MINAR1: variants seen among roughly 807,000 people sequenced by gnomAD.
The protein encoded by MINAR1 is major intrinsically disordered Notch2-binding receptor 1.
Under a neutral mutation model 65.1 loss-of-function variants are expected in MINAR1, and 40 were observed. That is an observed-to-expected ratio of 0.61 (90% confidence interval 0.48 to 0.80). MINAR1 has a LOEUF of 0.80. Ranked by LOEUF, MINAR1 falls within the 30% of genes least tolerant of loss-of-function variation. The pLI, the probability that MINAR1 is intolerant of heterozygous loss-of-function variation, is 0.00. For synonymous variants in MINAR1, 482 were observed against 449.1 expected (o/e 1.07, Z -0.93); for missense variants, 1,128 against 1,148.0 (o/e 0.98, Z 0.25).
At chr15:79,437,229 T>C (rs79722857) in intron 1 of MINAR1, among the ~76,000 whole-genome samples, 1,662 of 152,312 alleles carry the variant, frequency 0.011, 28 homozygotes, top group African/African-American at 0.038. Context: ...AAAGGAGGCC[T>C]GTCTCAGCCA....
At chr15:79,450,341 G>C (rs77802691) in intron 1 of MINAR1, among the ~76,000 whole-genome samples, 12,477 of 152,102 alleles carry the variant, frequency 0.082, 1,367 homozygotes, top group African/African-American at 0.25. Context: ...AAGTTTTAGT[G>C]GGGGCTGGAC....
At chr15:79,452,693 T>G (rs965351232) in intron 1 of MINAR1, among the ~76,000 whole-genome samples, 6 of 110,078 alleles carry the variant, frequency 5.5e-5, no homozygotes, top group Non-Finnish European at 1.1e-4. Context: ...TGTGTGTGTG[T>G]GGGTGTCTGG....
chr15:79,428,340 C>A (rs1269195095), upstream of MINAR1, among the ~76,000 whole-genome samples: 1 of 104,402 alleles, frequency 9.6e-6, no homozygotes, highest in African/African-American at 4.1e-5. Flanking sequence ...CTCTACCTCC[C>A]CCATCCCTCC....
upstream of MINAR1, among the ~76,000 whole-genome samples, chr15:79,428,584 C>T (rs569337835): frequency 1.3e-4 from 20 of 150,452 alleles, no homozygotes; most frequent in African/African-American, 4.9e-4. Context: ...CAAACTTTTG[C>T]GGAATACCTG....
chr15:79,465,656 T>C (rs752077449), intron 3 of MINAR1, among the ~76,000 whole-genome samples: 27 of 152,100 alleles, frequency 1.8e-4, no homozygotes, highest in Non-Finnish European at 3.5e-4. Context: ...TGATGTGTCA[T>C]TTAGACACTG....
intron 1 of MINAR1, among the ~76,000 whole-genome samples, chr15:79,439,355 ATGAGATGTGGGTGGGGTAGGCAGTGT>A (rs1894794298): frequency 4.6e-5 from 1 of 21,704 alleles, no homozygotes; most frequent in African/African-American, 1.1e-4. Flanking sequence ...TGTGTGGGTA[ATGAGATGTGGGTGGGGTAGGCAGTGT>A]GTGTGTGGGT....
At chr15:79,466,560 C>T (rs1003646918) in intron 3 of MINAR1, among the ~76,000 whole-genome samples, 1 of 151,752 alleles carries the variant, frequency 6.6e-6, no homozygotes, top group Admixed American at 6.6e-5. Flanking sequence ...GGAAAAAAAT[C>T]ACTAAAAATC....
rs1896022340 is a variant in MINAR1 at position 79,470,059 on chromosome 15, T to C, written c.*1675T>C. 1 of 152,600 alleles carries C rather than the reference T, an allele frequency of 6.6e-6. No individual in the cohort carries two copies. 9.5% of individuals were successfully genotyped at this position (152,600 alleles called of 1,614,324 possible). On this transcript the variant is annotated 3_prime_UTR_variant, in exon 4 of 4. Transcript: ENST00000305428. Reference sequence around the variant, plus strand: ...TGTTTTCATCTGTGGTGAACCTTTATTTTTAGAAGTCTTCATGTTATCTAT... The same window carrying C: ...TGTTTTCATCTGTGGTGAACCTTTACTTTTAGAAGTCTTCATGTTATCTAT...
Position 79,443,823 on chromosome 15 carries a change from C to G in MINAR1, c.-51+11283C>G, listed in dbSNP as rs113805925. Among the ~76,000 whole-genome samples the G allele has an allele frequency of 2.9e-3, 437 of 152,226 alleles. 3 individuals are homozygous for G. Among genetic ancestry groups the G allele is most frequent in the African/African-American group, 9.9e-3 (411 of 41,532 alleles). On this transcript the variant is annotated intron_variant, in intron 1 of 3. Transcript: ENST00000305428. ...TTATCTAGGGTACCTCAAGGTAGAT[C>G]TGGGGTGGCAATAGGTTTTGATTAT... is the stretch of plus-strand genomic sequence containing the variant.
chr15:79,468,262 C>T lies in MINAR1; in HGVS notation c.2629C>T (p.Leu877=). ...DIYTPGYDSL[L]KRKEAEFRRA... ...TTATACTCCAGGATACGATTCATTACTAAAACGTAAAGAAGCCGAATTCAG... is the reference window on the plus strand; with the variant it reads ...TTATACTCCAGGATACGATTCATTATTAAAACGTAAAGAAGCCGAATTCAG... Residue 877 remains leucine, a synonymous_variant, in exon 4 of 4, where the codon CTA becomes TTA. Coordinates refer to ENST00000305428, the MANE Select transcript of MINAR1 (RefSeq NM_015206.3). 2 of 1,614,020 alleles carry T rather than the reference C, an allele frequency of 1.2e-6. No individual in the cohort carries two copies. The highest frequency in any genetic ancestry group is 1.7e-6 in the Non-Finnish European group (2 of 1,179,940).
rs1168661125 is a variant in MINAR1, at chr15:79,453,277, G to A, written c.-50-2821G>A. Among the ~76,000 whole-genome samples, 3 of 152,090 alleles carry A rather than the reference G, an allele frequency of 2.0e-5. No individual in the cohort carries two copies. The East Asian group carries it at 5.8e-4, about 29-fold the overall frequency. ...TTCTGTCAGTAGGCGGTGGATGCTT[G>A]TCCTCCTGGCATGCGATTGAGCCTA... On this transcript the variant is annotated intron_variant, in intron 1 of 3. Transcript: ENST00000305428.
the MINAR1 span, chr15:79,418,954 ACGAG>A: frequency 6.6e-6 from 1 of 152,258 alleles, no homozygotes; most frequent in African/African-American, 2.4e-5. Context: ...GGCTAAGAAA[ACGAG>A]CCTGCAATTA....
intron 2 of MINAR1, among the ~76,000 whole-genome samples, chr15:79,460,588 A>G (rs1895609098): frequency 6.6e-6 from 1 of 151,722 alleles, no homozygotes; most frequent in Non-Finnish European, 1.5e-5. Flanking sequence ...CTCTTTCCCT[A>G]CCGGGGATCC....
At chr15:79,435,697 G>A (rs990243833) in intron 1 of MINAR1, among the ~76,000 whole-genome samples, 11 of 152,230 alleles carry the variant, frequency 7.2e-5, no homozygotes, top group African/African-American at 2.7e-4. Context: ...CCAAAGACTG[G>A]TGGATGATAC....
intron 2 of MINAR1, among the ~76,000 whole-genome samples, chr15:79,460,117 G>A (rs969508978): frequency 6.6e-6 from 1 of 152,222 alleles, no homozygotes; most frequent in Admixed American, 6.5e-5. Flanking sequence ...CGCTCGATAG[G>A]TCTAACACAA....
At chr15:79,442,219 T>G (rs1157253798) in intron 1 of MINAR1, among the ~76,000 whole-genome samples, 1 of 152,162 alleles carries the variant, frequency 6.6e-6, no homozygotes, top group African/African-American at 2.4e-5. Flanking sequence ...CTGCTTTATA[T>G]TTCATCTGTA....
intron 1 of MINAR1, among the ~76,000 whole-genome samples, chr15:79,433,520 A>G (rs184815461): frequency 9.9e-5 from 15 of 152,238 alleles, no homozygotes; most frequent in Admixed American, 2.6e-4. Flanking sequence ...TTGTGGATGG[A>G]GCCATGTGGT....
chr15:79,462,038 C>CT (rs1895662137), intron 2 of MINAR1, among the ~76,000 whole-genome samples: 1 of 152,118 alleles, frequency 6.6e-6, no homozygotes, highest in South Asian at 2.1e-4. Context: ...TTCTTTTTTC[C>CT]TTTTTCTCTT....
At chr15:79,412,929 G>A in the MINAR1 span, 1 of 152,194 alleles carries the variant, frequency 6.6e-6, no homozygotes, top group Non-Finnish European at 1.5e-5. Flanking sequence ...CTAGGGTTAG[G>A]GTATGCAGTC....
Sources: allele counts gnomAD v4.1 joint callset (sites outside exome capture counted in the v4.1 genomes callset), GRCh38; gene constraint gnomAD v4.1.1; transcripts MANE v1.5; gene names NCBI Gene and HGNC (gene_info 2026-07-23, HGNC 2026-07-21).